The following CFAP20DC variants were observed in gnomAD, a reference collection of about 807,000 sequenced individuals.
The protein encoded by CFAP20DC is protein CFAP20DC.
CFAP20DC carries 84 observed loss-of-function variants against 101.7 expected under a neutral mutation model. That is an observed-to-expected ratio of 0.83 (90% CI 0.69 to 0.99). CFAP20DC has a LOEUF of 0.99. CFAP20DC is among the 50% of genes least tolerant of loss of function. The pLI is 0.00. For synonymous variants in CFAP20DC, 359 were observed against 351.2 expected (o/e 1.02, Z -0.25); for missense variants, 1,007 against 970.3 (o/e 1.04, Z -0.50).
rs1208533127 is a variant in CFAP20DC at position 58,866,613 on chromosome 3, T to G, written c.1211A>C (p.Glu404Ala). 6.2e-7 allele frequency: 1 copy of G among 1,612,688 alleles called. No homozygotes were observed. Residue 404 changes from glutamate (E) to alanine (A), a missense_variant, in exon 11 of 17, where the codon GAG becomes GCG. Transcript: ENST00000482387. ...TCCTAGAGTGCCGGAGTTCAACAGC[T>G]CTGCTCCTTGTTGGGACACAGTGGT... ...ILTTVSQQGA[E>A]LLNSGTLGPQ...
intron 6 of CFAP20DC, among the ~76,000 whole-genome samples, chr3:58,891,130 G>C (rs1158857480): frequency 6.6e-6 from 1 of 151,562 alleles, no homozygotes; most frequent in East Asian, 1.9e-4. Flanking sequence ...TCCAGCCTGG[G>C]CACCATTGAG....
At position 58,949,302 on chromosome 3, in the gene CFAP20DC, T is replaced by TA. The variant is rs376060043; in HGVS notation, c.279-11541dup. ...ATTTCCTTCAGTTCTGCTCTGATCT[T>TA]AGTTATTTCTTGCCTTCTGCTGGCT... On this transcript the variant is annotated intron_variant, in intron 4 of 16. Transcript: ENST00000482387. 9.9e-3 allele frequency among the ~76,000 whole-genome samples: 1,514 copies of TA among 152,338 alleles called. 28 individuals are homozygous for TA. The highest frequency in any genetic ancestry group is 0.034 in the African/African-American group (1,420 of 41,568).
intron 3 of CFAP20DC, among the ~76,000 whole-genome samples, chr3:58,719,386 A>G (rs2067439044): frequency 6.6e-6 from 1 of 152,210 alleles, no homozygotes; most frequent in Non-Finnish European, 1.5e-5. Flanking sequence ...CAAGGGTGGA[A>G]TGTAATTTGC....
In CFAP20DC at chr3:58,822,995, C is replaced by A. The variant is rs528958800; in HGVS notation, c.2175+8691G>T. Among the ~76,000 whole-genome samples, 3 of 152,268 alleles carry A rather than the reference C, an allele frequency of 2.0e-5. No homozygotes were observed. The South Asian group carries it at 6.2e-4, about 32-fold the overall frequency. ...GAGAAGAATCTGAACAAAAGCCTTG[C>A]TGATTTTCTTCGTTTATTTCCATTA... On this transcript the variant is annotated intron_variant, in intron 14 of 16. Transcript: ENST00000482387.
intron 4 of CFAP20DC, among the ~76,000 whole-genome samples, chr3:58,996,116 G>A (rs1158263419): frequency 1.3e-5 from 2 of 151,462 alleles, no homozygotes; most frequent in African/African-American, 4.9e-5. Context: ...AAAAAAAAGT[G>A]TTTACTTACA....
Position 58,868,468 on chromosome 3 carries a change from A to C in CFAP20DC, c.1016-532T>G, listed in dbSNP as rs1001356646. 6.6e-5 allele frequency among the ~76,000 whole-genome samples: 10 copies of C among 152,142 alleles called. No individual in the cohort carries two copies. Among genetic ancestry groups the C allele is most frequent in the Non-Finnish European group, 1.3e-4 (9 of 67,990 alleles). On this transcript the variant is annotated intron_variant, in intron 9 of 16. Coordinates refer to ENST00000482387, the MANE Select transcript of CFAP20DC (RefSeq NM_001394063.1). This position sits in a 1 kb window ranked among gnomAD's most constrained non-coding sequence, Gnocchi z 4.6. ...TTCTTGGTGCAATATGATACACTTAACTGGCTTTTCCCCTGAATCCTCACA... is the reference window on the plus strand; with the variant it reads ...TTCTTGGTGCAATATGATACACTTACCTGGCTTTTCCCCTGAATCCTCACA...
Position 58,892,528 on chromosome 3 carries a change from C to T in CFAP20DC, c.551-7819G>A, listed in dbSNP as rs2082334578. On this transcript the variant is annotated intron_variant, in intron 6 of 16. Coordinates refer to ENST00000482387, the MANE Select transcript of CFAP20DC (RefSeq NM_001394063.1). The surrounding 1 kb of genome is among the most constrained non-coding windows in gnomAD (Gnocchi z 4.0). ...ATTTCTCTGAGAGTGGACTGTAGTC[C>T]TCCTTGAAGAGGTCCTTCAATTCCT... Among the ~76,000 whole-genome samples, 1 of 152,128 alleles carries T rather than the reference C, an allele frequency of 6.6e-6. No homozygotes were observed. The highest frequency in any genetic ancestry group is 1.5e-5 in the Non-Finnish European group (1 of 68,020).
rs769434298 is a variant in CFAP20DC at position 58,913,422 on chromosome 3, G to A, written c.550+286C>T. 2 of 572,222 alleles carry A rather than the reference G, an allele frequency of 3.5e-6. No individual in the cohort carries two copies. Among genetic ancestry groups the A allele is most frequent in the Non-Finnish European group, 6.1e-6 (2 of 325,230 alleles). The allele number at this position is 572,222 out of a possible 1,614,324, so 35.4% of individuals were successfully genotyped here. On this transcript the variant is annotated intron_variant, in intron 6 of 16. Coordinates refer to ENST00000482387, the MANE Select transcript of CFAP20DC (RefSeq NM_001394063.1). The surrounding 1 kb of genome is among the most constrained non-coding windows in gnomAD (Gnocchi z 4.4). The stretch of plus-strand genomic sequence containing the variant: ...CTGTTCTTTTTCAACCACCTAAAGA[G>A]GATTATGTTGTTTGTAACTAAGGAG...
At chr3:58,946,113 A>ATTTTTTTTTTTTTTTTTTTTTTT (rs57865077) in intron 4 of CFAP20DC, among the ~76,000 whole-genome samples, 1 of 123,828 alleles carries the variant, frequency 8.1e-6, no homozygotes. Context: ...AACTGCCCCA[A>ATTTTTTTTTTTTTTTTTTTTTTT]TTTTTTTTTT....
At chr3:58,986,903 A>AAG (rs1279499710) in intron 4 of CFAP20DC, among the ~76,000 whole-genome samples, 2 of 152,182 alleles carry the variant, frequency 1.3e-5, no homozygotes, top group Non-Finnish European at 2.9e-5. Flanking sequence ...TTATAATAGG[A>AAG]AGAGTCACTT....
Position 58,788,909 on chromosome 3 carries a change from T to C in CFAP20DC, c.2237+17486A>G, listed in dbSNP as rs951589169. Among the ~76,000 whole-genome samples the C allele has an allele frequency of 4.6e-5, 7 of 152,044 alleles. No individual in the cohort carries two copies. The highest frequency in any genetic ancestry group is 1.7e-4 in the African/African-American group (7 of 41,398). ...CCCACATATACCAAAATCCTCAAGT[T>C]GGCCATGCAGAACCCACATATATGA... On this transcript the variant is annotated intron_variant, in intron 15 of 16. Transcript: ENST00000482387. The surrounding 1 kb of genome is among the most constrained non-coding windows in gnomAD (Gnocchi z 4.2).
At position 59,049,696 on chromosome 3, in the gene CFAP20DC, T is replaced by A; in HGVS notation, c.-65A>T. The A allele has an allele frequency of 6.6e-7, 1 of 1,521,994 alleles. No homozygotes were observed. 94.3% of individuals were successfully genotyped at this position (1,521,994 alleles called of 1,614,324 possible). Reference sequence around the variant, plus strand: ...GGGTTTCCAGCGAGTGGCGTGACCCTGACGGCTGGAAATCGGCTGGCGGGA... The same window carrying A: ...GGGTTTCCAGCGAGTGGCGTGACCCAGACGGCTGGAAATCGGCTGGCGGGA... On this transcript the variant is annotated 5_prime_UTR_variant, in exon 1 of 17. Coordinates refer to ENST00000482387, the MANE Select transcript of CFAP20DC (RefSeq NM_001394063.1).
chr3:59,049,655 G>C lies in CFAP20DC; in HGVS notation c.-24C>G. 2.0e-6 allele frequency: 3 copies of C among 1,535,822 alleles called. No individual in the cohort carries two copies. The highest frequency in any genetic ancestry group is 1.2e-5 in the South Asian group (1 of 84,042). On this transcript the variant is annotated 5_prime_UTR_variant, in exon 1 of 17. Coordinates refer to ENST00000482387, the MANE Select transcript of CFAP20DC (RefSeq NM_001394063.1). ...ATTCCCGCAGGGGGCCCAGGGCTTG[G>C]GGGGCACAGAGTTCAGGGTTTCCAG...
intron 14 of CFAP20DC, among the ~76,000 whole-genome samples, chr3:58,814,350 C>T (rs981205379): frequency 2.8e-4 from 42 of 151,640 alleles, no homozygotes; most frequent in Non-Finnish European, 5.3e-4. Flanking sequence ...ATTGATGGGA[C>T]GTATTTCAAA....
At chr3:58,813,048 A>T (rs975319424) in intron 14 of CFAP20DC, among the ~76,000 whole-genome samples, 5 of 151,910 alleles carry the variant, frequency 3.3e-5, no homozygotes, top group Non-Finnish European at 5.9e-5. Flanking sequence ...TAAGTGTGTA[A>T]ATATAATTTC....
chr3:58,725,447 C>T (rs187518178), intron 3 of CFAP20DC, among the ~76,000 whole-genome samples: 4 of 152,342 alleles, frequency 2.6e-5, no homozygotes, highest in Admixed American at 6.5e-5. Context: ...CCCACCTCCT[C>T]GCTATCACAG....
At position 58,809,931 on chromosome 3, in the gene CFAP20DC, G is replaced by A. The variant is rs1436098979; in HGVS notation, c.2176-3475C>T. Among the ~76,000 whole-genome samples the A allele has an allele frequency of 3.9e-5, 6 of 152,210 alleles. No individual in the cohort carries two copies. The East Asian group carries it at 9.6e-4, about 24-fold the overall frequency. On this transcript the variant is annotated intron_variant, in intron 14 of 16. Coordinates refer to ENST00000482387, the MANE Select transcript of CFAP20DC (RefSeq NM_001394063.1). The stretch of plus-strand genomic sequence containing the variant: ...CAGGGAATAGTACAAAAACCTCCAC[G>A]CAAATAAACTAGAAAATCTAGAAGA...
At chr3:59,016,364 T>C (rs373518108) in intron 4 of CFAP20DC, among the ~76,000 whole-genome samples, 1 of 151,608 alleles carries the variant, frequency 6.6e-6, no homozygotes, top group East Asian at 2.0e-4. Flanking sequence ...AAACAGAGAG[T>C]AGAATTTTGG....
chr3:58,879,840 C>T (rs1203333406), intron 7 of CFAP20DC, among the ~76,000 whole-genome samples: 2 of 152,062 alleles, frequency 1.3e-5, no homozygotes, highest in African/African-American at 4.8e-5. Flanking sequence ...AAAATTCATA[C>T]TCATATAGTG....
Sources: gnomAD v4.1 joint callset for allele counts (sites outside exome capture counted in the v4.1 genomes callset) on GRCh38, gnomAD v4.1.1 for gene constraint, Gnocchi (gnomAD v3.1) non-coding constraint, MANE v1.5 for transcripts, NCBI Gene and HGNC (gene_info 2026-07-23, HGNC 2026-07-21) for gene names.